TRIM5: variants seen among roughly 807,000 people sequenced by gnomAD.
The protein encoded by TRIM5 is tripartite motif containing 5.
TRIM5 carries 31 observed loss-of-function variants against 35.6 expected under a neutral mutation model. The observed-to-expected ratio is 0.87, with a 90% CI of 0.65 to 1.18. The LOEUF (loss-of-function observed/expected upper bound fraction) is 1.18, where lower values mean the gene tolerates loss of function less well. TRIM5 is among the 50% of genes most tolerant of loss of function. TRIM5 has a pLI of 0.00. For missense variants in TRIM5, 609 were observed against 591.6 expected (o/e 1.03, Z -0.31); for synonymous variants, 243 against 215.6 (o/e 1.13, Z -1.11).
chr11:5,680,345 C>T (rs1554937237), intron 1 of TRIM5, 107 bp from the exon 2 acceptor site: 10 of 664,344 alleles, frequency 1.5e-5, no homozygotes, highest in African/African-American at 3.6e-5. Context: ...TAATTAAGGA[C>T]AAAAAAAGGG....
intron 4 of TRIM5, chr11:5,670,005 C>T (rs534893307): frequency 1.9e-5 from 3 of 157,392 alleles, no homozygotes; most frequent in African/African-American, 7.2e-5. Context: ...GATCAATGTC[C>T]TTCTCCAAAT....
chr11:5,599,553 G>A, the TRIM5 span, among the ~76,000 whole-genome samples: 2 of 152,046 alleles, frequency 1.3e-5, no homozygotes, highest in African/African-American at 4.8e-5. Flanking sequence ...ACAGGCATCC[G>A]CCACTACACC....
At chr11:5,643,694 C>G in the TRIM5 span, 131 of 1,587,920 alleles carry the variant, frequency 8.2e-5, no homozygotes, top group South Asian at 1.5e-3. Context: ...TGACTCTATG[C>G]CCACCAAGCT....
the TRIM5 span, among the ~76,000 whole-genome samples, chr11:5,593,886 C>G: frequency 3.9e-5 from 6 of 152,256 alleles, no homozygotes; most frequent in East Asian, 1.2e-3. Context: ...ATCATATTAC[C>G]CCACCAAACC....
chr11:5,590,400 A>T, the TRIM5 span: 2 of 152,652 alleles, frequency 1.3e-5, no homozygotes, highest in Non-Finnish European at 2.9e-5. Flanking sequence ...TAAATACACC[A>T]ATCGGCACTC....
At chr11:5,616,555 TCA>T in the TRIM5 span, among the ~76,000 whole-genome samples, 2 of 145,068 alleles carry the variant, frequency 1.4e-5, no homozygotes. Context: ...GCCCTTGCCT[TCA>T]CAGAGACTCA....
the TRIM5 span, chr11:5,634,947 G>A: frequency 1.4e-6 from 2 of 1,451,772 alleles, no homozygotes; most frequent in Non-Finnish European, 1.8e-6. Flanking sequence ...GACACTAAGG[G>A]GTTTCTTTGG....
chr11:5,602,222 T>C, the TRIM5 span, among the ~76,000 whole-genome samples: 142,336 of 152,178 alleles, frequency 0.94, 66,589 homozygotes, highest in African/African-American at 0.98. Context: ...GGGCGGATCA[T>C]GAGGTCAGGA....
chr11:5,593,797 A>G, the TRIM5 span, among the ~76,000 whole-genome samples: 1 of 152,164 alleles, frequency 6.6e-6, no homozygotes, highest in Non-Finnish European at 1.5e-5. Context: ...TAGAACTGCA[A>G]GTACTCTGAG....
At chr11:5,634,508 C>T in the TRIM5 span, 1 of 466,532 alleles carries the variant, frequency 2.1e-6, no homozygotes, top group Non-Finnish European at 3.5e-6. Flanking sequence ...CACACACACA[C>T]ACACACACAC....
chr11:5,632,777 A>G, the TRIM5 span: 1 of 1,437,486 alleles, frequency 7.0e-7, no homozygotes. Context: ...ATGGAGGGAG[A>G]TGGGGCAGAA....
chr11:5,609,285 C>G, the TRIM5 span, among the ~76,000 whole-genome samples: 1 of 152,122 alleles, frequency 6.6e-6, no homozygotes, highest in East Asian at 1.9e-4. Context: ...GTGAGGACAT[C>G]TTTTCTCCAG....
chr11:5,662,510 C>A (rs1850864826), downstream of TRIM5, among the ~76,000 whole-genome samples: 2 of 152,140 alleles, frequency 1.3e-5, no homozygotes, highest in Admixed American at 1.3e-4. Flanking sequence ...TTGAGAAATG[C>A]CACATGTACT....
the TRIM5 span, chr11:5,655,671 C>T: frequency 3.2e-5 from 32 of 985,236 alleles, no homozygotes; most frequent in South Asian, 1.4e-4. Context: ...GAGGCTTCAT[C>T]GGTTTTTAGT....
the TRIM5 span, among the ~76,000 whole-genome samples, chr11:5,618,187 T>C: frequency 2.0e-5 from 3 of 152,152 alleles, no homozygotes; most frequent in African/African-American, 7.2e-5. Context: ...CTGACCAACA[T>C]GGTGAAACCC....
At chr11:5,645,887 A>C in the TRIM5 span, 576 of 172,450 alleles carry the variant, frequency 3.3e-3, 5 homozygotes, top group Middle Eastern at 0.017. Flanking sequence ...AAAAATATAT[A>C]TATATATATC....
chr11:5,617,170 A>T, the TRIM5 span, among the ~76,000 whole-genome samples: 1 of 145,038 alleles, frequency 6.9e-6, no homozygotes, highest in Non-Finnish European at 1.5e-5. Context: ...GCAAATAATT[A>T]AAATATGAAA....
chr11:5,654,550 G>T, the TRIM5 span, among the ~76,000 whole-genome samples: 1 of 152,124 alleles, frequency 6.6e-6, no homozygotes, highest in Non-Finnish European at 1.5e-5. Flanking sequence ...AGTACCAGTG[G>T]TGGTGCCAGG....
chr11:5,615,782 G>A, the TRIM5 span, among the ~76,000 whole-genome samples: 5 of 151,412 alleles, frequency 3.3e-5, no homozygotes, highest in Admixed American at 2.6e-4. Flanking sequence ...TAGTAGAGAC[G>A]GGGTTTCACC....
Sources: gnomAD v4.1 joint callset for allele counts (sites outside exome capture counted in the v4.1 genomes callset) on GRCh38, gnomAD v4.1.1 for gene constraint, MANE v1.5 for transcripts, NCBI Gene and HGNC (gene_info 2026-07-23, HGNC 2026-07-21) for gene names.